The following SH3TC2 variants were observed in gnomAD, a reference collection of about 807,000 sequenced individuals.
The protein encoded by SH3TC2 is SH3 domain and tetratricopeptide repeat-containing protein 2.
Under a neutral mutation model 124.5 loss-of-function variants are expected in SH3TC2, and 87 were observed. The ratio of observed to expected loss-of-function variants is 0.70; its 90% CI spans 0.59 to 0.84. SH3TC2 has a LOEUF of 0.84. Ranked by LOEUF, SH3TC2 falls within the 40% of genes least tolerant of loss-of-function variation. The pLI is 0.00. For missense variants in SH3TC2, 1,536 were observed against 1,566.4 expected, an observed-to-expected ratio of 0.98 and a Z score of 0.33; for synonymous variants, 634 against 628.5, an observed-to-expected ratio of 1.01 and a Z score of -0.13.
chr5:149,037,370 G>A (rs1296533671), intron 8 of SH3TC2, among the ~76,000 whole-genome samples: 1 of 151,666 alleles, frequency 6.6e-6, no homozygotes, highest in East Asian at 1.9e-4. Flanking sequence ...CTTGTTTATA[G>A]TTATTTGGAC....
In SH3TC2 at chr5:149,000,179, A is replaced by G. The variant is rs1012675681; in HGVS notation, c.*4532T>C. On this transcript the variant is annotated 3_prime_UTR_variant, in exon 17 of 17. Transcript: ENST00000515425. ...GATACTGAATCATATTACATAATAT[A>G]TCATTTGCCCCTTTCCTGTCACCCA... Among the ~76,000 whole-genome samples the G allele has an allele frequency of 1.3e-5, 2 of 152,212 alleles. No individual in the cohort carries two copies. The highest frequency in any genetic ancestry group is 4.8e-5 in the African/African-American group (2 of 41,454).
In SH3TC2 at chr5:148,992,493, C is replaced by A. The variant is rs1316288495; in HGVS notation, c.*12218G>T. Among the ~76,000 whole-genome samples, 1 of 151,754 alleles carries A rather than the reference C, an allele frequency of 6.6e-6. No individual in the cohort carries two copies. Among genetic ancestry groups the A allele is most frequent in the Non-Finnish European group, 1.5e-5 (1 of 67,992 alleles). ...GACAGGTCCTGACAGATTACCGAGA[C>A]TGAGGTTTTTAACTCATCATCCTTG... On this transcript the variant is annotated 3_prime_UTR_variant, in exon 17 of 17. Coordinates refer to ENST00000515425, the MANE Select transcript of SH3TC2 (RefSeq NM_024577.4).
chr5:149,014,941 T>C (rs1753846228), intron 12 of SH3TC2, among the ~76,000 whole-genome samples: 1 of 152,230 alleles, frequency 6.6e-6, no homozygotes, highest in South Asian at 2.1e-4. Flanking sequence ...TCTGTTTTTT[T>C]ATGTTCCCAT....
intron 3 of SH3TC2, chr5:149,045,153 A>C (rs2127401608): frequency 6.5e-6 from 1 of 153,458 alleles, no homozygotes; most frequent in South Asian, 2.0e-4. Flanking sequence ...AAAGATCATC[A>C]GTGTTAACAT....
At chr5:149,022,170 T>C (rs1483047422) in intron 12 of SH3TC2, among the ~76,000 whole-genome samples, 2 of 152,094 alleles carry the variant, frequency 1.3e-5, no homozygotes, top group African/African-American at 4.8e-5. Context: ...GTATCCAGAA[T>C]ATATAAAGAA....
chr5:149,031,757 C>CT, intron 8 of SH3TC2, 70 bp from the exon 9 acceptor site: 1 of 1,603,710 alleles, frequency 6.2e-7, no homozygotes, highest in Non-Finnish European at 8.5e-7. Flanking sequence ...CTTCTCTCCA[C>CT]ACTAGGATGT....
chr5:149,023,575 G>T (rs1479771889), intron 12 of SH3TC2, among the ~76,000 whole-genome samples: 2 of 109,046 alleles, frequency 1.8e-5, no homozygotes, highest in Admixed American at 9.9e-5. Flanking sequence ...TTCAATAATA[G>T]TGTAATCCTT....
At chr5:149,060,136 T>C (rs1754720443) in intron 1 of SH3TC2, among the ~76,000 whole-genome samples, 1 of 152,202 alleles carries the variant, frequency 6.6e-6, no homozygotes, top group Non-Finnish European at 1.5e-5. Flanking sequence ...GGCGAATGTA[T>C]CTCTTCCACA....
chr5:149,053,884 A>G (rs1236162560), intron 1 of SH3TC2, among the ~76,000 whole-genome samples: 1 of 152,206 alleles, frequency 6.6e-6, no homozygotes, highest in African/African-American at 2.4e-5. Flanking sequence ...GATGGTTACT[A>G]GAGGCAGAGA....
At chr5:149,053,234 C>T (rs1754587813) in intron 1 of SH3TC2, among the ~76,000 whole-genome samples, 1 of 152,200 alleles carries the variant, frequency 6.6e-6, no homozygotes, top group Non-Finnish European at 1.5e-5. Flanking sequence ...CTCAAGAATG[C>T]AACAGGGGTG....
intron 15 of SH3TC2, 146 bp from the exon 16 acceptor site, chr5:149,007,223 G>T: frequency 1.3e-6 from 1 of 741,982 alleles, no homozygotes; most frequent in Non-Finnish European, 2.4e-6. Flanking sequence ...AGAGGTGCCT[G>T]TACTCATAAA....
In SH3TC2 at chr5:148,993,760, G is replaced by T. The variant is rs1753458816; in HGVS notation, c.*10951C>A. Among the ~76,000 whole-genome samples the T allele has an allele frequency of 6.6e-6, 1 of 152,172 alleles. No homozygotes were observed. The highest frequency in any genetic ancestry group is 1.5e-5 in the Non-Finnish European group (1 of 68,030). ...GACCATCACTGTCACATGCTCACTTGAATAGCCAAGCATCTAGCCCAGATT... is the reference window on the plus strand; with the variant it reads ...GACCATCACTGTCACATGCTCACTTTAATAGCCAAGCATCTAGCCCAGATT... On this transcript the variant is annotated 3_prime_UTR_variant, in exon 17 of 17. Transcript: ENST00000515425.
In SH3TC2 at chr5:148,994,600, ATGGT is replaced by A. The variant is rs57301725; in HGVS notation, c.*10107_*10110del. On this transcript the variant is annotated 3_prime_UTR_variant, in exon 17 of 17. Transcript: ENST00000515425. ...GGTATGTGGGTGGTTGGGTGGTTAGATGGTTGGTTGGTTGGTTGGTTGGTTGGTT... is the reference window on the plus strand; with the variant it reads ...GGTATGTGGGTGGTTGGGTGGTTAGATGGTTGGTTGGTTGGTTGGTTGGTT... Among the ~76,000 whole-genome samples, 62,882 of 140,258 alleles carry A rather than the reference ATGGT, an allele frequency of 0.45. 15,321 individuals carry two copies. The highest frequency in any genetic ancestry group is 0.62 in the East Asian group (2,873 of 4,646). 92.0% of individuals were successfully genotyped at this position (140,258 alleles called of 152,430 possible).
chr5:149,009,074 C>T, intron 14 of SH3TC2, 73 bp from the exon 15 acceptor site: 2 of 1,594,442 alleles, frequency 1.3e-6, no homozygotes, highest in Non-Finnish European at 1.7e-6. Flanking sequence ...GGAGACTTAT[C>T]TTCTACAGGC....
Position 148,986,034 on chromosome 5 carries a change from T to G in SH3TC2, c.*18677A>C, listed in dbSNP as rs1753327464. Among the ~76,000 whole-genome samples the G allele has an allele frequency of 1.3e-5, 2 of 152,168 alleles. 1 individual carries two copies. Among genetic ancestry groups the G allele is most frequent in the South Asian group, 4.1e-4 (2 of 4,828 alleles). ...AAAACACATAAATGCAGAATCTTGG[T>G]GTTTAAAAGGAAATTAGAACTCATT... On this transcript the variant is annotated 3_prime_UTR_variant, in exon 17 of 17. Transcript: ENST00000515425.
Position 149,063,055 on chromosome 5 carries a change from G to C in SH3TC2, c.-33C>G, listed in dbSNP as rs1465318944. 4.4e-6 allele frequency: 7 copies of C among 1,577,894 alleles called. No individual in the cohort carries two copies. The Admixed American group carries it at 5.4e-5, about 12-fold the overall frequency. ...CCATCCTACCCTGGCCGAGGCCCTT[G>C]GGAACACAGGCCAGAAGAGTGCTGC... On this transcript the variant is annotated 5_prime_UTR_variant, in exon 1 of 17. Transcript: ENST00000515425.
At chr5:149,011,416 T>C (rs1432801) in intron 13 of SH3TC2, among the ~76,000 whole-genome samples, 34,279 of 152,062 alleles carry the variant, frequency 0.23, 4,337 homozygotes, top group African/African-American at 0.31. Flanking sequence ...GACTGAATTG[T>C]CTGCTCTCTG....
At chr5:149,039,300 C>T (rs1754331725) in intron 7 of SH3TC2, among the ~76,000 whole-genome samples, 5 of 152,278 alleles carry the variant, frequency 3.3e-5, no homozygotes, top group Admixed American at 3.3e-4. Flanking sequence ...TATCAGAATC[C>T]CCTTTTCCCA....
chr5:149,059,256 A>T (rs543401556), intron 1 of SH3TC2, among the ~76,000 whole-genome samples: 11 of 152,220 alleles, frequency 7.2e-5, no homozygotes, highest in Admixed American at 6.5e-4. Context: ...AGGCCATCCA[A>T]ATCAATGGGT....
Sources: allele counts gnomAD v4.1 joint callset (sites outside exome capture counted in the v4.1 genomes callset), GRCh38; gene constraint gnomAD v4.1.1; transcripts MANE v1.5; gene names NCBI Gene and HGNC (gene_info 2026-07-23, HGNC 2026-07-21).